The following PP2D1 variants were observed in gnomAD, a reference collection of about 807,000 sequenced individuals.
PP2D1 encodes the protein protein phosphatase 2C-like domain-containing protein 1.
Under a neutral mutation model 30.2 loss-of-function variants are expected in PP2D1, and 25 were observed. The ratio of observed to expected loss-of-function variants is 0.83; its 90% CI spans 0.60 to 1.16. The LOEUF (loss-of-function observed/expected upper bound fraction) is 1.16. Among genes scored for constraint, PP2D1 ranks in the 50% most tolerant of loss-of-function variants. The pLI, the probability that PP2D1 is intolerant of heterozygous loss-of-function variation, is 0.00. For missense variants in PP2D1, 760 were observed against 742.4 expected, an observed-to-expected ratio of 1.02 and a Z score of -0.28; for synonymous variants, 260 against 258.9, an observed-to-expected ratio of 1.00 and a Z score of -0.04.
intron 2 of PP2D1, among the ~76,000 whole-genome samples, chr3:19,991,077 T>C (rs1697114028): frequency 6.6e-6 from 1 of 152,164 alleles, no homozygotes; most frequent in Non-Finnish European, 1.5e-5. Flanking sequence ...TTTGGAGAGA[T>C]TGCGCTCTTC....
chr3:19,998,128 G>C (rs1050748891), intron 2 of PP2D1, among the ~76,000 whole-genome samples: 1 of 152,172 alleles, frequency 6.6e-6, no homozygotes, highest in Non-Finnish European at 1.5e-5. Flanking sequence ...CCAGGAGTTT[G>C]GGACCAGCCT....
At chr3:19,987,751 AAC>A (rs1697059603) in intron 2 of PP2D1, among the ~76,000 whole-genome samples, 2 of 152,202 alleles carry the variant, frequency 1.3e-5, no homozygotes, top group Admixed American at 6.5e-5. Flanking sequence ...CTCTACTAAA[AAC>A]ACAAAAAAAT....
In PP2D1 at chr3:19,985,617, T is replaced by C; in HGVS notation, c.1656A>G (p.Thr552=). The C allele has an allele frequency of 6.5e-7, 1 of 1,535,666 alleles. No individual in the cohort carries two copies. Among genetic ancestry groups the C allele is most frequent in the Non-Finnish European group, 8.7e-7 (1 of 1,146,448 alleles). ...YCIYNPENVE[T]FPAETTHRKP... is the part of the protein sequence containing the mutation. ...TACGATGAGTCGTTTCTGCTGGAAA[T>C]GTTTCTACATTCTCAGGGTTATAAA... The change falls in exon 3 of 3, where the codon ACA becomes ACG. Residue 552 remains threonine (T), a synonymous_variant. Transcript: ENST00000389050.
At chr3:19,986,294 G>A (rs1342083138) in intron 2 of PP2D1, 112 bp from the exon 3 acceptor site, 1 of 753,150 alleles carries the variant, frequency 1.3e-6, no homozygotes, top group African/African-American at 1.8e-5. Flanking sequence ...ACAGAAAGCA[G>A]GCTATGTAAA....
chr3:20,004,422 G>A (rs1217391186), intron 1 of PP2D1, among the ~76,000 whole-genome samples: 3 of 152,172 alleles, frequency 2.0e-5, no homozygotes, highest in Admixed American at 6.5e-5. Context: ...ATGCATGATT[G>A]TAATTACTTT....
At chr3:19,993,954 G>C (rs1474611703) in intron 2 of PP2D1, among the ~76,000 whole-genome samples, 1 of 151,670 alleles carries the variant, frequency 6.6e-6, no homozygotes, top group Non-Finnish European at 1.5e-5. Flanking sequence ...GGCTGGTCTT[G>C]AACTCCTGAC....
intron 2 of PP2D1, among the ~76,000 whole-genome samples, chr3:19,987,678 G>A (rs1299052722): frequency 3.9e-5 from 6 of 152,274 alleles, no homozygotes; most frequent in African/African-American, 1.4e-4. Context: ...GGGAGGCTGA[G>A]GCAGGCAAAT....
At position 20,002,084 on chromosome 3, in the gene PP2D1, T is replaced by C; in HGVS notation, c.36A>G (p.Lys12=). The change falls in exon 2 of 3, where the codon AAA becomes AAG. Residue 12 remains lysine, a synonymous_variant. Transcript: ENST00000389050. ...STNNALRVFW[K]SREWNMKTST... The stretch of plus-strand genomic sequence containing the variant: ...ATGTTTTCATATTCCATTCTCTTGA[T>C]TTCCAAAACACTCTGCAAACAGGAT... The C allele has an allele frequency of 6.5e-7, 1 of 1,529,558 alleles. No homozygotes were observed. The highest frequency in any genetic ancestry group is 8.8e-7 in the Non-Finnish European group (1 of 1,141,286). 94.7% of individuals were successfully genotyped at this position (1,529,558 alleles called of 1,614,324 possible). A position where few individuals can be genotyped will look rare whatever the true frequency, so the allele number is the denominator to read the frequency against.
chr3:19,980,831 T>G (rs2125133025), downstream of PP2D1, among the ~76,000 whole-genome samples: 1 of 152,222 alleles, frequency 6.6e-6, no homozygotes, highest in East Asian at 1.9e-4. Flanking sequence ...TTGAAGGCTT[T>G]CTTTCCAAAC....
chr3:19,999,006 A>AT (rs1697217593), intron 2 of PP2D1, among the ~76,000 whole-genome samples: 1 of 151,556 alleles, frequency 6.6e-6, no homozygotes, highest in Admixed American at 6.6e-5. Context: ...GTTTAACACC[A>AT]TTGTATAGGC....
At chr3:19,982,152 CT>C (rs1277752414), downstream of PP2D1, among the ~76,000 whole-genome samples, 1 of 151,840 alleles carries the variant, frequency 6.6e-6, no homozygotes. Flanking sequence ...GTGGGAGGAT[CT>C]TTTGAGCCCA....
chr3:19,997,136 A>G (rs137986213), intron 2 of PP2D1, among the ~76,000 whole-genome samples: 7 of 151,286 alleles, frequency 4.6e-5, no homozygotes, highest in Admixed American at 1.3e-4. Context: ...AATTTTATCA[A>G]CAATGCTGGA....
At chr3:19,985,101 A>AT (rs953256435), downstream of PP2D1, 2 of 321,486 alleles carry the variant, frequency 6.2e-6, no homozygotes, top group African/African-American at 4.4e-5. Context: ...ATAATGCAGA[A>AT]TTAGGAAAAC....
chr3:20,001,813 G>A lies in PP2D1; in HGVS notation c.307C>T (p.Pro103Ser), dbSNP rs1697257944. Residue 103 changes from proline to serine, a missense_variant, in exon 2 of 3, where the codon CCC (proline) becomes TCC (serine). Transcript: ENST00000389050. ...FQWMGRKKPQ[P>S]SVIAVQRQFM... Reference sequence around the variant, plus strand: ...TGTCTCTGAACAGCAATCACTGAGGGCTGTGGTTTCTTTCTACCCATCCAT... The same window carrying A: ...TGTCTCTGAACAGCAATCACTGAGGACTGTGGTTTCTTTCTACCCATCCAT... The A allele has an allele frequency of 1.3e-6, 2 of 1,535,096 alleles. No homozygotes were observed. The highest frequency in any genetic ancestry group is 2.4e-5 in the South Asian group (2 of 83,968).
chr3:19,986,182 C>G lies in PP2D1; in HGVS notation c.1091G>C (p.Gly364Ala), dbSNP rs1697031776. 6.9e-7 allele frequency: 1 copy of G among 1,457,382 alleles called. No individual in the cohort carries two copies. The highest frequency in any genetic ancestry group is 1.4e-5 in the African/African-American group (1 of 69,864). The allele number at this position is 1,457,382 out of a possible 1,614,324, so 90.3% of individuals were successfully genotyped here. Residue 364 changes from glycine to alanine, a missense_variant and splice_region_variant, in exon 3 of 3, where the codon GGT becomes GCT. Gly to Ala is a moderately conservative substitution (Grantham distance 60). Coordinates refer to ENST00000389050, the MANE Select transcript of PP2D1 (RefSeq NM_001252657.2). ...ISGILHVANT[G>A]NVQAVLCRNG... is the part of the protein sequence containing the mutation. ...TCTGCATAAGACTGCTTGCACATTA[C>G]CTAAAAGATTATTTTTTAAAAGAAG...
In PP2D1 at chr3:19,985,592, T is replaced by TA; in HGVS notation, c.1680dup (p.Lys561Ter). The TA allele has an allele frequency of 6.5e-7, 1 of 1,536,106 alleles. No individual in the cohort carries two copies. Among genetic ancestry groups the TA allele is most frequent in the Non-Finnish European group, 8.7e-7 (1 of 1,146,858 alleles). ...TCAGTTACTTTTTCACTGCAAGGTT[T>TA]ACGATGAGTCGTTTCTGCTGGAAAT... On this transcript the variant is annotated frameshift_variant, in exon 3 of 3. Transcript: ENST00000389050. LOFTEE classifies it low-confidence loss of function (END_TRUNC).
At chr3:20,000,797 AT>A (rs1432626964) in intron 2 of PP2D1, among the ~76,000 whole-genome samples, 1 of 152,222 alleles carries the variant, frequency 6.6e-6, no homozygotes, top group African/African-American at 2.4e-5. Flanking sequence ...ACTTTAACGT[AT>A]TTGTCACATT....
chr3:20,009,429 C>G (rs1466804995), intron 1 of PP2D1, among the ~76,000 whole-genome samples: 1 of 152,050 alleles, frequency 6.6e-6, no homozygotes, highest in African/African-American at 2.4e-5. Context: ...CCACAATACT[C>G]TAGCCTGGGT....
chr3:19,984,917 C>G (rs8682), downstream of PP2D1: 31,654 of 154,100 alleles, frequency 0.21, 3,922 homozygotes, highest in African/African-American at 0.34. Flanking sequence ...TAAAGTATTG[C>G]AATATGTTAG....
Sources: allele counts gnomAD v4.1 joint callset (sites outside exome capture counted in the v4.1 genomes callset), GRCh38; gene constraint gnomAD v4.1.1; transcripts MANE v1.5; gene names NCBI Gene and HGNC (gene_info 2026-07-23, HGNC 2026-07-21).